Variants in SPTY2D1 observed in about 807,000 individuals in gnomAD.
SPTY2D1 encodes the protein SPT2 chromatin protein domain containing 1, also known as protein SPT2 homolog.
In SPTY2D1, 21 loss-of-function variants were observed where a neutral mutation model predicts 64.0. That is an observed-to-expected ratio of 0.33 (90% CI 0.23 to 0.47). SPTY2D1 has a LOEUF of 0.47. Among genes scored for constraint, SPTY2D1 ranks in the 20% least tolerant of loss-of-function variants. The pLI is 1.00. For synonymous variants in SPTY2D1, 287 were observed against 286.8 expected, an observed-to-expected ratio of 1.00 and a Z score of -0.01; for missense variants, 724 against 837.2, an observed-to-expected ratio of 0.86 and a Z score of 1.67.
In SPTY2D1 at chr11:18,612,528, T is replaced by C. The variant is rs1590399651; in HGVS notation, c.1712-40A>G. On this transcript the variant is annotated intron_variant, in intron 3 of 5. Coordinates refer to ENST00000336349, the MANE Select transcript of SPTY2D1 (RefSeq NM_194285.3). This position sits in a 1 kb window ranked among gnomAD's most constrained non-coding sequence, Gnocchi z 4.6. ...TTTATAAGAATATTACAATTTAAAA[T>C]AGTTCCAATGCAGTTCTATGTAAAC... 6.6e-7 allele frequency: 1 copy of C among 1,515,604 alleles called. No individual in the cohort carries two copies. The highest frequency in any genetic ancestry group is 1.3e-5 in the South Asian group (1 of 75,994). The allele number at this position is 1,515,604 out of a possible 1,614,324, so 93.9% of individuals were successfully genotyped here. A position where few individuals can be genotyped will look rare whatever the true frequency, so the allele number is the denominator to read the frequency against.
chr11:18,626,949 G>A (rs939760608), intron 1 of SPTY2D1, among the ~76,000 whole-genome samples: 1 of 152,204 alleles, frequency 6.6e-6, no homozygotes, highest in Non-Finnish European at 1.5e-5. Context: ...GTCATCTTCA[G>A]ATCTGTGAAA....
chr11:18,607,611 A>G lies in SPTY2D1; in HGVS notation c.*2250T>C, dbSNP rs1279821640. 2.6e-5 allele frequency: 4 copies of G among 152,628 alleles called. No homozygotes were observed. Among genetic ancestry groups the G allele is most frequent in the Non-Finnish European group, 5.9e-5 (4 of 68,038 alleles). The allele number at this position is 152,628 out of a possible 1,614,324, so 9.5% of individuals were successfully genotyped here. A position where few individuals can be genotyped will look rare whatever the true frequency, so the allele number is the denominator to read the frequency against. On this transcript the variant is annotated 3_prime_UTR_variant, in exon 6 of 6. Transcript: ENST00000336349. The stretch of plus-strand genomic sequence containing the variant: ...ATAACAGCCTACTCCAGTTTCTTCA[A>G]AGGTTTGTGAGCTTTTTATAAGAGT...
In SPTY2D1 at chr11:18,608,987, G is replaced by A. The variant is rs7938645; in HGVS notation, c.*874C>T. The A allele has an allele frequency of 0.084, 12,582 of 150,320 alleles. 1,379 individuals carry two copies. The highest frequency in any genetic ancestry group is 0.26 in the African/African-American group (10,555 of 41,334). 9.3% of individuals were successfully genotyped at this position (150,320 alleles called of 1,614,324 possible). A position where few individuals can be genotyped will look rare whatever the true frequency, so the allele number is the denominator to read the frequency against. On this transcript the variant is annotated 3_prime_UTR_variant, in exon 6 of 6. Transcript: ENST00000336349. ...TTCAAAATATCTTTATGATGGGGGA[G>A]GGGAGGAGGGGAGAGCCTCACATGT...
chr11:18,606,529 A>T lies in SPTY2D1; in HGVS notation c.*3332T>A, dbSNP rs1277650336. ...AGAAAACAAGCTAAGCTATCTAAAA[A>T]TTTTTTTAACTTGATTTGTCCATTG... On this transcript the variant is annotated 3_prime_UTR_variant, in exon 6 of 6. Coordinates refer to ENST00000336349, the MANE Select transcript of SPTY2D1 (RefSeq NM_194285.3). The T allele has an allele frequency of 9.9e-6, 2 of 201,940 alleles. No homozygotes were observed. Among genetic ancestry groups the T allele is most frequent in the Non-Finnish European group, 2.0e-5 (2 of 99,080 alleles). The allele number at this position is 201,940 out of a possible 1,614,324, so 12.5% of individuals were successfully genotyped here. A position where few individuals can be genotyped will look rare whatever the true frequency, so the allele number is the denominator to read the frequency against.
intron 1 of SPTY2D1, among the ~76,000 whole-genome samples, chr11:18,623,737 A>C (rs1391633401): frequency 6.6e-6 from 1 of 152,234 alleles, no homozygotes; most frequent in East Asian, 1.9e-4. Flanking sequence ...GAAATTTCAG[A>C]CTTGTCAGGC....
chr11:18,632,356 T>A lies in SPTY2D1; in HGVS notation c.60+1842A>T, dbSNP rs1476588116. Among the ~76,000 whole-genome samples, 758 of 147,092 alleles carry A rather than the reference T, an allele frequency of 5.2e-3. 3 individuals carry two copies. The highest frequency in any genetic ancestry group is 0.015 in the African/African-American group (622 of 40,440). ...AATATATGGCTATATTATCTATTGA[T>A]TTTTTTTTTTTTGAAATGAAGTTTT... is the stretch of plus-strand genomic sequence containing the variant. On this transcript the variant is annotated intron_variant, in intron 1 of 5. Coordinates refer to ENST00000336349, the MANE Select transcript of SPTY2D1 (RefSeq NM_194285.3).
intron 1 of SPTY2D1, among the ~76,000 whole-genome samples, chr11:18,622,170 C>T (rs535756805): frequency 8.5e-5 from 12 of 140,794 alleles, no homozygotes; most frequent in South Asian, 4.5e-4. Flanking sequence ...CACTCTTAGA[C>T]AAAGTTTAGG....
At chr11:18,614,467 G>A (rs1364517412) in intron 3 of SPTY2D1, 96 bp downstream of exon 3, 2 of 1,168,056 alleles carry the variant, frequency 1.7e-6, no homozygotes, top group Admixed American at 2.2e-5. Flanking sequence ...TTAAAGGACA[G>A]CACATGAGGG....
intron 3 of SPTY2D1, among the ~76,000 whole-genome samples, chr11:18,613,955 A>G (rs1251828949): frequency 1.3e-5 from 2 of 152,202 alleles, no homozygotes; most frequent in African/African-American, 2.4e-5. Context: ...AGGTCTCTTT[A>G]GTCCTCAGGA....
intron 1 of SPTY2D1, among the ~76,000 whole-genome samples, chr11:18,626,215 C>T (rs775721311): frequency 1.3e-5 from 2 of 152,086 alleles, no homozygotes; most frequent in Non-Finnish European, 2.9e-5. Flanking sequence ...TGGATAATGC[C>T]AGTACTTCAG....
Position 18,609,483 on chromosome 11 carries a change from T to A in SPTY2D1, c.*378A>T. ...AGCAGGGCAGTGCCCTACTCACAGA[T>A]CAGCAGAAGAATTACAGAAATCAAG... On this transcript the variant is annotated 3_prime_UTR_variant, in exon 6 of 6. Transcript: ENST00000336349. 1 of 199,106 alleles carries A rather than the reference T, an allele frequency of 5.0e-6. No individual in the cohort carries two copies. The highest frequency in any genetic ancestry group is 9.4e-5 in the South Asian group (1 of 10,648). The allele number at this position is 199,106 out of a possible 1,614,324, so 12.3% of individuals were successfully genotyped here. A position where few individuals can be genotyped will look rare whatever the true frequency, so the allele number is the denominator to read the frequency against.
chr11:18,610,686 A>AAAAAAAAAAAAAAAAAAACAAAAAAC (rs1554987436), intron 5 of SPTY2D1, among the ~76,000 whole-genome samples: 1 of 147,188 alleles, frequency 6.8e-6, no homozygotes, highest in African/African-American at 2.5e-5. Context: ...AAAAAAAAAA[A>AAAAAAAAAAAAAAAAAAACAAAAAAC]AACAACAATA....
chr11:18,612,370 C>T lies in SPTY2D1; in HGVS notation c.1830G>A (p.Glu610=). The change falls in exon 4 of 6, where the codon GAG becomes GAA. Residue 610 remains glutamate (E), a synonymous_variant. Transcript: ENST00000336349. The surrounding 1 kb of genome is among the most constrained non-coding windows in gnomAD (Gnocchi z 4.6). Reference sequence around the variant, plus strand: ...TGTGCTTGGATATTTCTTCCTGAGGCTCTCCTTCATCTTCAATAAAATCTT... The same window carrying T: ...TGTGCTTGGATATTTCTTCCTGAGGTTCTCCTTCATCTTCAATAAAATCTT... ...EMEDFIEDEG[E]PQEEISKHIR... The T allele has an allele frequency of 6.2e-7, 1 of 1,611,252 alleles. No homozygotes were observed. Among genetic ancestry groups the T allele is most frequent in the Non-Finnish European group, 8.5e-7 (1 of 1,178,496 alleles).
rs536379514 is a variant in SPTY2D1, at chr11:18,626,556, G to A, written c.60+7642C>T. 1.5e-4 allele frequency among the ~76,000 whole-genome samples: 23 copies of A among 152,242 alleles called. No individual in the cohort carries two copies. In the South Asian group the frequency reaches 4.8e-3, roughly 32 times the overall value. ...AGTACACGCCCCTCATTCAACACAA[G>A]CTCATGATTAAGAGCAAGAACTCTG... is the stretch of plus-strand genomic sequence containing the variant. On this transcript the variant is annotated intron_variant, in intron 1 of 5. Coordinates refer to ENST00000336349, the MANE Select transcript of SPTY2D1 (RefSeq NM_194285.3).
At chr11:18,616,236 A>C in intron 2 of SPTY2D1, 138 bp from the exon 3 acceptor site, 1 of 771,392 alleles carries the variant, frequency 1.3e-6, no homozygotes, top group African/African-American at 1.7e-5. Context: ...ACAAGTATCA[A>C]TTGAGTCATC....
chr11:18,609,351 C>G lies in SPTY2D1; in HGVS notation c.*510G>C, dbSNP rs1854157785. Reference sequence around the variant, plus strand: ...ATCCATATGATAGTTATAAATTCTACTCTACATTTTCAAGTTCTCAATCCA... The same window carrying G: ...ATCCATATGATAGTTATAAATTCTAGTCTACATTTTCAAGTTCTCAATCCA... On this transcript the variant is annotated 3_prime_UTR_variant, in exon 6 of 6. Coordinates refer to ENST00000336349, the MANE Select transcript of SPTY2D1 (RefSeq NM_194285.3). 1.3e-5 allele frequency: 2 copies of G among 153,426 alleles called. No individual in the cohort carries two copies. Among genetic ancestry groups the G allele is most frequent in the African/African-American group, 2.4e-5 (1 of 41,450 alleles). The allele number at this position is 153,426 out of a possible 1,614,324, so 9.5% of individuals were successfully genotyped here. A position where few individuals can be genotyped will look rare whatever the true frequency, so the allele number is the denominator to read the frequency against.
In SPTY2D1 at chr11:18,634,270, C is replaced by T; in HGVS notation, c.-13G>A. On this transcript the variant is annotated 5_prime_UTR_variant, in exon 1 of 6. Coordinates refer to ENST00000336349, the MANE Select transcript of SPTY2D1 (RefSeq NM_194285.3). ...CTCTGAAGTCCATGTTGGGCCGAGG[C>T]GGGAGAGACTGGGCCAGGCACTCGG... 1 of 1,614,018 alleles carries T rather than the reference C, an allele frequency of 6.2e-7. No individual in the cohort carries two copies. Among genetic ancestry groups the T allele is most frequent in the Non-Finnish European group, 8.5e-7 (1 of 1,179,994 alleles).
At position 18,615,829 on chromosome 11, in the gene SPTY2D1, G is replaced by A; in HGVS notation, c.445C>T (p.Pro149Ser). The A allele has an allele frequency of 6.2e-7, 1 of 1,613,970 alleles. No homozygotes were observed. The highest frequency in any genetic ancestry group is 8.5e-7 in the Non-Finnish European group (1 of 1,180,008). The change falls in exon 3 of 6, where the codon CCT becomes TCT. Residue 149 changes from proline (P) to serine (S), a missense_variant. Transcript: ENST00000336349. ...TTTGGTTTGCTTTCAACTTTGGGAGGTTCTTGCTCTTCCTCATACTCCTGC... is the reference window on the plus strand; with the variant it reads ...TTTGGTTTGCTTTCAACTTTGGGAGATTCTTGCTCTTCCTCATACTCCTGC... ...SEQEYEEEQE[P>S]PKVESKPKVP...
Position 18,616,909 on chromosome 11 carries a change from A to G in SPTY2D1, c.141T>C (p.Phe47=), listed in dbSNP as rs1177826919. The G allele has an allele frequency of 1.2e-6, 2 of 1,614,062 alleles. No individual in the cohort carries two copies. Among genetic ancestry groups the G allele is most frequent in the East Asian group, 4.5e-5 (2 of 44,880 alleles). The change falls in exon 2 of 6, where the codon TTT becomes TTC. Residue 47 remains phenylalanine, a synonymous_variant. Coordinates refer to ENST00000336349, the MANE Select transcript of SPTY2D1 (RefSeq NM_194285.3). Reference sequence around the variant, plus strand: ...TCAGCTCCTCTTCTTTCCTTTTAAGAAAAGCTTGTACAGCTGCTGATTGGA... The same window carrying G: ...TCAGCTCCTCTTCTTTCCTTTTAAGGAAAGCTTGTACAGCTGCTGATTGGA... ...KGVQSAAVQA[F]LKRKEEELRR... is the part of the protein sequence containing the mutation.
Sources: allele counts gnomAD v4.1 joint callset (sites outside exome capture counted in the v4.1 genomes callset), GRCh38; gene constraint gnomAD v4.1.1; non-coding constraint Gnocchi (gnomAD v3.1); transcripts MANE v1.5; gene names NCBI Gene and HGNC (gene_info 2026-07-23, HGNC 2026-07-21).